The following NIF3L1 variants were observed in gnomAD, a reference collection of about 807,000 sequenced individuals.
NIF3L1 encodes NIF3-like protein 1.
NIF3L1 carries 26 observed loss-of-function variants against 35.0 expected under a neutral mutation model. The observed-to-expected ratio is 0.74, with a 90% confidence interval of 0.54 to 1.03. The LOEUF (loss-of-function observed/expected upper bound fraction) is 1.03. NIF3L1 is among the 50% of genes least tolerant of loss of function. The pLI, the probability that NIF3L1 is intolerant of heterozygous loss-of-function variation, is 0.00. For missense variants in NIF3L1, 449 were observed against 466.3 expected (o/e 0.96, Z 0.34); for synonymous variants, 157 against 178.9 (o/e 0.88, Z 0.98).
intron 6 of NIF3L1, among the ~76,000 whole-genome samples, chr2:200,901,111 A>G (rs2040404515): frequency 6.6e-6 from 1 of 152,232 alleles, no homozygotes; most frequent in Non-Finnish European, 1.5e-5. Context: ...AAGTCCATGG[A>G]ACAATTATCA....
Position 200,892,306 on chromosome 2 carries a change from C to G in NIF3L1, c.363C>G (p.Val121=). 6.2e-7 allele frequency: 1 copy of G among 1,613,782 alleles called. No individual in the cohort carries two copies. The highest frequency in any genetic ancestry group is 8.5e-7 in the Non-Finnish European group (1 of 1,180,012). The change falls in exon 2 of 7, where the codon GTC becomes GTG. Residue 121 remains valine, a synonymous_variant. Transcript: ENST00000409020. ...RLVIRALENR[V]GIYSPHTAYD... is the part of the protein sequence containing the mutation. ...TGATCCGGGCTCTGGAGAACAGAGT[C>G]GGTATCTACTCTCCTCATACAGCCT...
intron 4 of NIF3L1, 104 bp from the exon 5 acceptor site, chr2:200,896,972 T>C (rs1232367375): frequency 5.4e-6 from 6 of 1,120,730 alleles, no homozygotes; most frequent in Non-Finnish European, 7.7e-6. Context: ...ACATTTAGCC[T>C]GGAGCTTGCT....
At chr2:200,893,212 C>T (rs767294810) in intron 2 of NIF3L1, 34 bp from the exon 3 acceptor site, 2 of 1,457,314 alleles carry the variant, frequency 1.4e-6, no homozygotes, top group East Asian at 5.0e-5. Context: ...TCTCACCCCC[C>T]AAAACTCCCA....
chr2:200,900,518 T>G (rs375139855), intron 6 of NIF3L1, among the ~76,000 whole-genome samples: 1 of 152,130 alleles, frequency 6.6e-6, no homozygotes, highest in Admixed American at 6.5e-5. Context: ...ACACCCACAC[T>G]TTGTTATATA....
chr2:200,893,262 G>T lies in NIF3L1; in HGVS notation c.453G>T (p.Arg151Ser). The T allele has an allele frequency of 6.5e-7, 1 of 1,533,272 alleles. No homozygotes were observed. The highest frequency in any genetic ancestry group is 1.2e-5 in the South Asian group (1 of 81,258). 95.0% of individuals were successfully genotyped at this position (1,533,272 alleles called of 1,614,324 possible). A position where few individuals can be genotyped will look rare whatever the true frequency, so the allele number is the denominator to read the frequency against. The change falls in exon 3 of 7, where the codon AGG becomes AGT. Residue 151 changes from arginine to serine, a missense_variant. Physicochemically the swap from Arg to Ser is moderately radical, Grantham distance 110. Coordinates refer to ENST00000409020, the MANE Select transcript of NIF3L1 (RefSeq NM_001369441.2). ...TTTCTCTAGGAGCTTGTACCTCCAG[G>T]CCCATACATCCTTCCAAAGCTCCCA... is the stretch of plus-strand genomic sequence containing the variant. Reference protein sequence around the residue: ...LAKGLGACTSRPIHPSKAPNY... With the variant: ...LAKGLGACTSSPIHPSKAPNY...
chr2:200,893,101 C>A, intron 2 of NIF3L1, 145 bp from the exon 3 acceptor site: 1 of 502,352 alleles, frequency 2.0e-6, no homozygotes, highest in Non-Finnish European at 3.5e-6. Context: ...TGATGTATAT[C>A]TAAGGGATGT....
chr2:200,893,839 C>A (rs1025251067), intron 3 of NIF3L1, among the ~76,000 whole-genome samples: 6 of 152,032 alleles, frequency 3.9e-5, no homozygotes, highest in Admixed American at 3.9e-4. Context: ...TATTTAACAT[C>A]ATGGGAAATA....
intron 3 of NIF3L1, among the ~76,000 whole-genome samples, chr2:200,893,895 C>T (rs1575133367): frequency 6.6e-6 from 1 of 152,126 alleles, no homozygotes; most frequent in African/African-American, 2.4e-5. Flanking sequence ...GACTCCCAGG[C>T]TGGGCACGGT....
chr2:200,899,364 CTT>C lies in NIF3L1; in HGVS notation c.866-20_866-19del, dbSNP rs960393352. 3.1e-6 allele frequency: 5 copies of C among 1,594,122 alleles called. No homozygotes were observed. The highest frequency in any genetic ancestry group is 2.7e-5 in the African/African-American group (2 of 74,418). ...AAAGGGAATTGTAAAGTATTGGTCT[CTT>C]GTTTCCTCTGTTTTGAAGAGTCTCA... On this transcript the variant is annotated intron_variant, in intron 5 of 6. Coordinates refer to ENST00000409020, the MANE Select transcript of NIF3L1 (RefSeq NM_001369441.2).
intron 5 of NIF3L1, 183 bp from the exon 6 acceptor site, chr2:200,899,202 A>G (rs2124895851): frequency 2.2e-6 from 1 of 460,610 alleles, no homozygotes; most frequent in African/African-American, 2.0e-5. Flanking sequence ...TGCAATATCA[A>G]AGAATGACCT....
chr2:200,899,439 A>G lies in NIF3L1; in HGVS notation c.920A>G (p.Gln307Arg), dbSNP rs752376425. The G allele has an allele frequency of 1.2e-6, 2 of 1,614,094 alleles. No individual in the cohort carries two copies. The highest frequency in any genetic ancestry group is 2.2e-5 in the South Asian group (2 of 91,078). ...LCAGSGSSVL[Q>R]GVEADLYLTG... Reference sequence around the variant, plus strand: ...GCTGGTTCTGGGAGCAGCGTTCTGCAGGGTGTTGAGGCTGACCTTTACCTC... The same window carrying G: ...GCTGGTTCTGGGAGCAGCGTTCTGCGGGGTGTTGAGGCTGACCTTTACCTC... Residue 307 changes from glutamine (Q) to arginine (R), a missense_variant, in exon 6 of 7, where the codon CAG (glutamine) becomes CGG (arginine). Gln to Arg is a conservative substitution (Grantham distance 43). Coordinates refer to ENST00000409020, the MANE Select transcript of NIF3L1 (RefSeq NM_001369441.2).
At chr2:200,898,648 C>A (rs568496156) in intron 5 of NIF3L1, among the ~76,000 whole-genome samples, 22 of 152,210 alleles carry the variant, frequency 1.4e-4, no homozygotes, top group South Asian at 1.0e-3. Flanking sequence ...TCCAAAGCCC[C>A]CTCTTTGAGA....
At chr2:200,894,184 A>G (rs958513854) in intron 3 of NIF3L1, among the ~76,000 whole-genome samples, 3 of 151,962 alleles carry the variant, frequency 2.0e-5, no homozygotes, top group African/African-American at 4.8e-5. Flanking sequence ...AAAAAAAAAA[A>G]AAAAAAATGC....
chr2:200,895,262 A>C lies in NIF3L1; in HGVS notation c.600-2A>C. 6.2e-7 allele frequency: 1 copy of C among 1,613,806 alleles called. No homozygotes were observed. The highest frequency in any genetic ancestry group is 8.5e-7 in the Non-Finnish European group (1 of 1,179,732). ...CTAAATGGAGTGATTTTTCCCCCCTAGGACTGGTAATGAGGAACAAACACG... is the reference window on the plus strand; with the variant it reads ...CTAAATGGAGTGATTTTTCCCCCCTCGGACTGGTAATGAGGAACAAACACG... On this transcript the variant is annotated splice_acceptor_variant, in intron 3 of 6. Coordinates refer to ENST00000409020, the MANE Select transcript of NIF3L1 (RefSeq NM_001369441.2). LOFTEE classifies it high-confidence loss of function.
chr2:200,893,787 A>T (rs1269852087), intron 3 of NIF3L1, among the ~76,000 whole-genome samples: 1 of 152,096 alleles, frequency 6.6e-6, no homozygotes, highest in Non-Finnish European at 1.5e-5. Context: ...TTTTATATTT[A>T]TCTTTACATT....
intron 5 of NIF3L1, 130 bp from the exon 6 acceptor site, chr2:200,899,255 A>T (rs889105453): frequency 5.3e-6 from 3 of 561,630 alleles, no homozygotes; most frequent in Non-Finnish European, 9.2e-6. Context: ...ATGCAGTAAG[A>T]ACAATTCATA....
chr2:200,902,807 C>T (rs1481039273), intron 6 of NIF3L1, among the ~76,000 whole-genome samples: 2 of 152,166 alleles, frequency 1.3e-5, no homozygotes, highest in Non-Finnish European at 2.9e-5. Flanking sequence ...CATATAATTT[C>T]CTCCAGAGGT....
intron 4 of NIF3L1, among the ~76,000 whole-genome samples, chr2:200,895,922 C>G (rs567365945): frequency 6.6e-6 from 1 of 151,890 alleles, no homozygotes; most frequent in South Asian, 2.1e-4. Context: ...ACTTACAGAG[C>G]CCACAAGTAT....
chr2:200,895,980 T>TC, intron 4 of NIF3L1, among the ~76,000 whole-genome samples: 1 of 145,854 alleles, frequency 6.9e-6, no homozygotes, highest in South Asian at 2.1e-4. Flanking sequence ...CACCCCCGCT[T>TC]TTTTTTTTTT....
Sources: gnomAD v4.1 joint callset for allele counts (sites outside exome capture counted in the v4.1 genomes callset) on GRCh38, gnomAD v4.1.1 for gene constraint, MANE v1.5 for transcripts, NCBI Gene and HGNC (gene_info 2026-07-23, HGNC 2026-07-21) for gene names.